GDAP1: variants seen among roughly 807,000 people sequenced by gnomAD.
GDAP1 encodes ganglioside induced differentiation associated protein 1, also known as ganglioside-induced differentiation-associated protein 1.
Under a neutral mutation model 40.1 loss-of-function variants are expected in GDAP1, and 34 were observed. That is an observed-to-expected ratio of 0.85 (90% confidence interval 0.64 to 1.13). GDAP1 has a LOEUF of 1.13. Among genes scored for constraint, GDAP1 ranks in the 50% most tolerant of loss-of-function variants. GDAP1 has a pLI of 0.00. For missense variants in GDAP1, 374 were observed against 433.7 expected (o/e 0.86, Z 1.22); for synonymous variants, 170 against 157.4 (o/e 1.08, Z -0.60).
intron 2 of GDAP1, among the ~76,000 whole-genome samples, chr8:74,402,904 TG>T (rs1342023535): frequency 6.7e-6 from 1 of 150,088 alleles, no homozygotes; most frequent in Non-Finnish European, 1.5e-5. Flanking sequence ...CTTTTGTTGT[TG>T]TTGTTGTTGT....
intron 2 of GDAP1, among the ~76,000 whole-genome samples, chr8:74,379,402 G>A (rs963075793): frequency 2.0e-5 from 3 of 152,102 alleles, no homozygotes; most frequent in Non-Finnish European, 2.9e-5. Flanking sequence ...AGGGGTAGTG[G>A]TTCCCTGTTC....
chr8:74,386,849 T>C (rs1481784314), intron 2 of GDAP1, among the ~76,000 whole-genome samples: 2 of 152,210 alleles, frequency 1.3e-5, no homozygotes, highest in Non-Finnish European at 2.9e-5. Flanking sequence ...TTGTGTCCTC[T>C]CTTATTTCCC....
intron 2 of GDAP1, among the ~76,000 whole-genome samples, chr8:74,479,678 G>C (rs996973259): frequency 6.6e-6 from 1 of 152,196 alleles, no homozygotes; most frequent in Admixed American, 6.5e-5. Context: ...ATCCTGCTAG[G>C]TTCTCGCCTA....
chr8:74,469,383 T>C (rs1806514507), intron 2 of GDAP1, among the ~76,000 whole-genome samples: 1 of 152,206 alleles, frequency 6.6e-6, no homozygotes, highest in African/African-American at 2.4e-5. Context: ...TTAAAAGTAT[T>C]CTGAGGCGGG....
At chr8:74,484,477 A>G (rs1806750786) in intron 2 of GDAP1, among the ~76,000 whole-genome samples, 2 of 152,216 alleles carry the variant, frequency 1.3e-5, no homozygotes, top group African/African-American at 2.4e-5. Flanking sequence ...ATCACAGAAC[A>G]CATTGCTGAT....
chr8:74,432,373 A>G (rs904019495), intron 2 of GDAP1, among the ~76,000 whole-genome samples: 4 of 152,188 alleles, frequency 2.6e-5, no homozygotes, highest in African/African-American at 4.8e-5. Flanking sequence ...TCATTCTAAC[A>G]TACAATAGTG....
At chr8:74,370,135 G>A (rs1272000316), downstream of GDAP1, among the ~76,000 whole-genome samples, 16 of 152,018 alleles carry the variant, frequency 1.1e-4, no homozygotes, top group Admixed American at 9.8e-4. Context: ...CACAGAGAGG[G>A]GAAAGAAAAG....
chr8:74,373,625 T>G (rs1179667079), intron 2 of GDAP1, among the ~76,000 whole-genome samples: 1 of 152,266 alleles, frequency 6.6e-6, no homozygotes, highest in Non-Finnish European at 1.5e-5. Context: ...CAGACTTTAC[T>G]GAAGTTGCTT....
At position 74,363,967 on chromosome 8, in the gene GDAP1, G is replaced by C. The variant is rs202013464; in HGVS notation, c.695-18G>C. Reference sequence around the variant, plus strand: ...AGAGTGCTTGCCTCTAATTCTCTATGTCCCTTTCTCTAATTAGAAGAGGGC... The same window carrying C: ...AGAGTGCTTGCCTCTAATTCTCTATCTCCCTTTCTCTAATTAGAAGAGGGC... On this transcript the variant is annotated intron_variant, in intron 5 of 5. Coordinates refer to ENST00000220822, the MANE Select transcript of GDAP1 (RefSeq NM_018972.4). 6.2e-7 allele frequency: 1 copy of C among 1,612,474 alleles called. No individual in the cohort carries two copies. Among genetic ancestry groups the C allele is most frequent in the Admixed American group, 1.7e-5 (1 of 60,002 alleles).
chr8:74,413,717 CTTT>C (rs79420778), intron 2 of GDAP1, among the ~76,000 whole-genome samples: 3 of 131,756 alleles, frequency 2.3e-5, no homozygotes, highest in African/African-American at 6.0e-5. Flanking sequence ...AACTCCTAAG[CTTT>C]TTTTTTTTTT....
Position 74,351,269 on chromosome 8 carries a change from T to C in GDAP1, c.118-5T>C. On this transcript the variant is annotated splice_polypyrimidine_tract_variant and splice_region_variant and intron_variant, in intron 1 of 5. Transcript: ENST00000220822. ...TGTTGTAGTAACCAGTGTGAACTCT[T>C]CCAGGTGCGCTTGGTAATTGCTGAA... 6.2e-7 allele frequency: 1 copy of C among 1,613,296 alleles called. No homozygotes were observed. The highest frequency in any genetic ancestry group is 8.5e-7 in the Non-Finnish European group (1 of 1,179,160).
chr8:74,402,542 G>A lies in GDAP1; in HGVS notation c.165+51221G>A, dbSNP rs944279265. On this transcript the variant is annotated intron_variant, in intron 2 of 2. Coordinates refer to the GDAP1 transcript ENST00000523640. ...AATGCCTCGCCCTGCTTCGGCTCGC[G>A]CATGGTGCGCTGCACCCACTGTCCT... is the stretch of plus-strand genomic sequence containing the variant. 3.6e-4 allele frequency among the ~76,000 whole-genome samples: 54 copies of A among 150,094 alleles called. 2 individuals carry two copies. Among genetic ancestry groups the A allele is most frequent in the Non-Finnish European group, 1.8e-4 (12 of 68,038 alleles).
At chr8:74,470,794 G>C (rs1451169026) in intron 2 of GDAP1, among the ~76,000 whole-genome samples, 2 of 152,142 alleles carry the variant, frequency 1.3e-5, no homozygotes, top group Non-Finnish European at 2.9e-5. Context: ...GGGTCAAATG[G>C]TATTTCTAGT....
intron 2 of GDAP1, among the ~76,000 whole-genome samples, chr8:74,415,249 A>C (rs985577317): frequency 2.0e-5 from 3 of 150,338 alleles, no homozygotes; most frequent in East Asian, 3.8e-4. Flanking sequence ...TAAACATAAT[A>C]GATGATGAGT....
chr8:74,415,938 C>T (rs1043295763), intron 2 of GDAP1, among the ~76,000 whole-genome samples: 1 of 149,760 alleles, frequency 6.7e-6, no homozygotes, highest in East Asian at 1.9e-4. Flanking sequence ...GGATGATCCC[C>T]CTTTGCCAGA....
chr8:74,360,227 A>G lies in GDAP1; in HGVS notation c.401A>G (p.Asp134Gly). The G allele has an allele frequency of 6.2e-7, 1 of 1,613,008 alleles. No individual in the cohort carries two copies. The highest frequency in any genetic ancestry group is 8.5e-7 in the Non-Finnish European group (1 of 1,178,980). Residue 134 changes from aspartate to glycine, a missense_variant, in exon 3 of 6, where the codon GAT becomes GGT. Asp to Gly is a moderately conservative substitution (Grantham distance 94). Transcript: ENST00000220822. The stretch of plus-strand genomic sequence containing the variant: ...GAGCTGCTTGACTCCTTGCCAATGG[A>G]TGCCTATACACATGGCTGCATTTTA... ...YRELLDSLPM[D>G]AYTHGCILHP...
At chr8:74,461,280 C>T (rs1395984879) in intron 2 of GDAP1, among the ~76,000 whole-genome samples, 3 of 152,058 alleles carry the variant, frequency 2.0e-5, no homozygotes, top group Admixed American at 6.6e-5. Context: ...GATACTTTCC[C>T]GGGAAAGCAG....
chr8:74,350,412 A>C lies in GDAP1; in HGVS notation c.-50A>C. Reference sequence around the variant, plus strand: ...CGCCTTGCGGGGCAGTGTGGGAGGGAGAAGTCCAGGGCGGACAGGCTGGGC... The same window carrying C: ...CGCCTTGCGGGGCAGTGTGGGAGGGCGAAGTCCAGGGCGGACAGGCTGGGC... On this transcript the variant is annotated 5_prime_UTR_variant, in exon 1 of 6. Transcript: ENST00000220822. 1 of 1,148,132 alleles carries C rather than the reference A, an allele frequency of 8.7e-7. No homozygotes were observed. Among genetic ancestry groups the C allele is most frequent in the Non-Finnish European group, 1.3e-6 (1 of 766,720 alleles). 71.1% of individuals were successfully genotyped at this position (1,148,132 alleles called of 1,614,324 possible).
chr8:74,439,633 T>C (rs763313413), intron 2 of GDAP1, among the ~76,000 whole-genome samples: 5 of 151,986 alleles, frequency 3.3e-5, no homozygotes, highest in Non-Finnish European at 7.4e-5. Flanking sequence ...ATTTCTAATA[T>C]TGTTTTCATT....
Sources: allele counts gnomAD v4.1 joint callset (sites outside exome capture counted in the v4.1 genomes callset), GRCh38; gene constraint gnomAD v4.1.1; transcripts MANE v1.5; gene names NCBI Gene and HGNC (gene_info 2026-07-23, HGNC 2026-07-21).